ERBB4: variants seen among roughly 807,000 people sequenced by gnomAD.
ERBB4 encodes the protein erb-b2 receptor tyrosine kinase 4.
ERBB4 carries 42 observed loss-of-function variants against 158.0 expected under a neutral mutation model. That is an observed-to-expected ratio of 0.27 (90% CI 0.21 to 0.34). The LOEUF (loss-of-function observed/expected upper bound fraction) is 0.34. Ranked by LOEUF, ERBB4 falls within the 10% of genes least tolerant of loss-of-function variation. The pLI, the probability that ERBB4 is intolerant of heterozygous loss-of-function variation, is 1.00. For missense variants in ERBB4, 1,333 were observed against 1,624.1 expected, an observed-to-expected ratio of 0.82 and a Z score of 3.08; for synonymous variants, 583 against 558.7, an observed-to-expected ratio of 1.04 and a Z score of -0.61.
chr2:211,682,492 T>C (rs1326078283), intron 12 of ERBB4, among the ~76,000 whole-genome samples: 1 of 152,174 alleles, frequency 6.6e-6, no homozygotes, highest in East Asian at 1.9e-4. Flanking sequence ...CCAGAAATGA[T>C]ATTTAAAAAA....
At chr2:212,521,649 TATGCATTTAC>T (rs66683336) in intron 1 of ERBB4, among the ~76,000 whole-genome samples, 42,637 of 151,464 alleles carry the variant, frequency 0.28, 6,100 homozygotes, top group African/African-American at 0.3. Context: ...TGCTATTTTA[TATGCATTTAC>T]ATGCATTTCA....
At chr2:211,753,735 TTA>T (rs1158094019) in intron 4 of ERBB4, among the ~76,000 whole-genome samples, 1 of 148,070 alleles carries the variant, frequency 6.8e-6, no homozygotes. Context: ...TGTCCCTTGT[TTA>T]TATATATATA....
chr2:211,711,731 A>G (rs185294826), intron 9 of ERBB4, among the ~76,000 whole-genome samples: 6 of 152,308 alleles, frequency 3.9e-5, no homozygotes, highest in Admixed American at 3.9e-4. Flanking sequence ...AACCAATGAT[A>G]CTTTTTTCCC....
At chr2:212,090,301 T>C (rs901665107) in intron 2 of ERBB4, among the ~76,000 whole-genome samples, 1 of 152,216 alleles carries the variant, frequency 6.6e-6, no homozygotes, top group Admixed American at 6.6e-5. Context: ...ACTGCTATTA[T>C]AACAGTTATT....
chr2:212,411,108 T>C (rs2091485267), intron 1 of ERBB4, among the ~76,000 whole-genome samples: 1 of 152,028 alleles, frequency 6.6e-6, no homozygotes, highest in African/African-American at 2.4e-5. Flanking sequence ...ACAGCTCAAG[T>C]TGAAGTAATA....
chr2:211,814,637 CA>C (rs989807806), intron 3 of ERBB4, among the ~76,000 whole-genome samples: 12 of 145,880 alleles, frequency 8.2e-5, no homozygotes, highest in East Asian at 2.0e-4. Flanking sequence ...AAGTCACTAC[CA>C]AAAAAAAAAG....
chr2:212,191,577 ATGCCTGT>A (rs2082205870), intron 1 of ERBB4, among the ~76,000 whole-genome samples: 1 of 146,000 alleles, frequency 6.8e-6, no homozygotes, highest in African/African-American at 2.5e-5. Flanking sequence ...CACATGTGTT[ATGCCTGT>A]TATATATAAC....
At chr2:212,290,117 T>C (rs1574610760) in intron 1 of ERBB4, among the ~76,000 whole-genome samples, 1 of 152,160 alleles carries the variant, frequency 6.6e-6, no homozygotes, top group South Asian at 2.1e-4. Context: ...AATTAGCATG[T>C]TTCAGCCTTA....
chr2:211,498,384 C>CTT (rs2065528461), intron 20 of ERBB4, among the ~76,000 whole-genome samples: 1 of 151,960 alleles, frequency 6.6e-6, no homozygotes, highest in Non-Finnish European at 1.5e-5. Flanking sequence ...ATTTGTTTGA[C>CTT]TTTGGTACAT....
At chr2:211,572,779 T>G (rs1483912374) in intron 19 of ERBB4, among the ~76,000 whole-genome samples, 1 of 152,258 alleles carries the variant, frequency 6.6e-6, no homozygotes, top group Non-Finnish European at 1.5e-5. Context: ...GTATGCCATG[T>G]GTTTCCTACT....
chr2:211,993,827 C>T (rs1029534166), intron 2 of ERBB4, among the ~76,000 whole-genome samples: 1 of 149,888 alleles, frequency 6.7e-6, no homozygotes, highest in African/African-American at 2.4e-5. Flanking sequence ...CAGTGAGAAA[C>T]AAAAGTACTT....
chr2:211,577,466 C>A (rs564921573), intron 19 of ERBB4, among the ~76,000 whole-genome samples: 1 of 152,008 alleles, frequency 6.6e-6, no homozygotes, highest in Non-Finnish European at 1.5e-5. Flanking sequence ...TTTTATGAGG[C>A]CAGTATCATC....
intron 1 of ERBB4, among the ~76,000 whole-genome samples, chr2:212,466,489 T>C (rs1184275443): frequency 2.0e-5 from 3 of 152,170 alleles, no homozygotes; most frequent in African/African-American, 7.2e-5. Context: ...TGATAGTGAA[T>C]GGGTCTCATG....
intron 1 of ERBB4, among the ~76,000 whole-genome samples, chr2:212,488,983 C>T (rs1690125496): frequency 1.3e-5 from 2 of 149,016 alleles, no homozygotes; most frequent in Non-Finnish European, 3.0e-5. Context: ...CTGCCACCTA[C>T]CTTTTTTAGG....
Position 211,379,367 on chromosome 2 carries a change from T to C in ERBB4, c.*4248A>G, listed in dbSNP as rs781497929. On this transcript the variant is annotated 3_prime_UTR_variant, in exon 28 of 28. Coordinates refer to ENST00000342788, the MANE Select transcript of ERBB4 (RefSeq NM_005235.3). ...GTGTTTATTTAAAAAAATAAATAAA[T>C]ACAATTTTCTTTACATTTAAAAAGT... 3 of 227,928 alleles carry C rather than the reference T, an allele frequency of 1.3e-5. No individual in the cohort carries two copies. The highest frequency in any genetic ancestry group is 2.6e-5 in the Non-Finnish European group (3 of 114,800). 14.1% of individuals were successfully genotyped at this position (227,928 alleles called of 1,614,324 possible).
chr2:212,082,945 A>G (rs1452116072), intron 2 of ERBB4, among the ~76,000 whole-genome samples: 1 of 152,000 alleles, frequency 6.6e-6, no homozygotes, highest in Non-Finnish European at 1.5e-5. Flanking sequence ...ATGAAGATTT[A>G]CATTATAAAT....
At chr2:212,266,488 C>T (rs933927052) in intron 1 of ERBB4, among the ~76,000 whole-genome samples, 22 of 151,900 alleles carry the variant, frequency 1.4e-4, no homozygotes, top group South Asian at 6.2e-4. Context: ...AAGAGGCTTT[C>T]GATTTTTTTA....
chr2:212,118,255 C>T (rs2079631275), intron 2 of ERBB4, among the ~76,000 whole-genome samples: 1 of 152,122 alleles, frequency 6.6e-6, no homozygotes. Flanking sequence ...TTACTGAAAA[C>T]AGGGAAGGAA....
intron 1 of ERBB4, among the ~76,000 whole-genome samples, chr2:212,454,336 T>A (rs1173975322): frequency 6.6e-6 from 1 of 152,166 alleles, no homozygotes; most frequent in Non-Finnish European, 1.5e-5. Flanking sequence ...TAAGACAATT[T>A]CTCTTTCACA....
Sources: allele counts gnomAD v4.1 joint callset (sites outside exome capture counted in the v4.1 genomes callset), GRCh38; gene constraint gnomAD v4.1.1; transcripts MANE v1.5; gene names NCBI Gene and HGNC (gene_info 2026-07-23, HGNC 2026-07-21).